ATP9B: variants seen among roughly 807,000 people sequenced by gnomAD.
The protein encoded by ATP9B is probable phospholipid-transporting ATPase IIB.
In ATP9B, 110 loss-of-function variants were observed where a neutral mutation model predicts 146.1. The ratio of observed to expected loss-of-function variants is 0.75; its 90% CI spans 0.65 to 0.88. ATP9B has a LOEUF of 0.88. Ranked by LOEUF, ATP9B falls within the 40% of genes least tolerant of loss-of-function variation. The probability of loss-of-function intolerance (pLI) is 0.00; values close to 1 mark genes in which losing one functional copy is unlikely to be tolerated. For missense variants in ATP9B, 1,499 were observed against 1,496.4 expected, an observed-to-expected ratio of 1.00 and a Z score of -0.03; for synonymous variants, 604 against 569.7, an observed-to-expected ratio of 1.06 and a Z score of -0.86.
chr18:79,307,392 A>G, intron 15 of ATP9B, 158 bp downstream of exon 15: 5 of 1,098,148 alleles, frequency 4.6e-6, no homozygotes, highest in Non-Finnish European at 6.3e-6. Flanking sequence ...AACCTATTCC[A>G]GCATGTAGCC....
intron 13 of ATP9B, among the ~76,000 whole-genome samples, chr18:79,289,850 G>A (rs1467156106): frequency 6.6e-6 from 1 of 152,222 alleles, no homozygotes; most frequent in African/African-American, 2.4e-5. Flanking sequence ...CTCAGCTGCA[G>A]GTCTGTTGGA....
At chr18:79,163,762 T>C (rs1300855541) in intron 7 of ATP9B, among the ~76,000 whole-genome samples, 1 of 152,078 alleles carries the variant, frequency 6.6e-6, no homozygotes, top group Non-Finnish European at 1.5e-5. Flanking sequence ...GTGTATAATA[T>C]AATATATGTC....
chr18:79,164,987 C>T (rs528184408), intron 7 of ATP9B, among the ~76,000 whole-genome samples: 8 of 152,262 alleles, frequency 5.3e-5, no homozygotes, highest in African/African-American at 1.9e-4. Context: ...GTGGGCTGGA[C>T]TAAGCCATGT....
chr18:79,101,955 C>CT (rs962826118), intron 2 of ATP9B, among the ~76,000 whole-genome samples: 17 of 148,574 alleles, frequency 1.1e-4, no homozygotes, highest in Admixed American at 2.0e-4. Flanking sequence ...TATTTTTTTT[C>CT]TTTTTTTTGA....
At chr18:79,339,756 G>T (rs1568748096) in intron 19 of ATP9B, among the ~76,000 whole-genome samples, 1 of 151,234 alleles carries the variant, frequency 6.6e-6, no homozygotes, top group Non-Finnish European at 1.5e-5. Flanking sequence ...TCATGAGGCT[G>T]TATCATATCC....
intron 8 of ATP9B, among the ~76,000 whole-genome samples, chr18:79,190,348 A>G (rs2148112777): frequency 6.6e-6 from 1 of 152,322 alleles, no homozygotes; most frequent in South Asian, 2.1e-4. Flanking sequence ...GGTTTTTCAA[A>G]TTATCAACAA....
Position 79,303,847 on chromosome 18 carries a change from C to T in ATP9B, c.1524+131C>T, listed in dbSNP as rs897381267. 243 of 561,350 alleles carry T rather than the reference C, an allele frequency of 4.3e-4. 3 individuals are homozygous for T. The highest frequency in any genetic ancestry group is 3.8e-3 in the Admixed American group (127 of 33,136). The allele number at this position is 561,350 out of a possible 1,614,324, so 34.8% of individuals were successfully genotyped here. A position where few individuals can be genotyped will look rare whatever the true frequency, so the allele number is the denominator to read the frequency against. ...GGTCTTAACATCCTGCTACTTCAGTCGTCTGTTCGAATATACGAATCAGGA... is the reference window on the plus strand; with the variant it reads ...GGTCTTAACATCCTGCTACTTCAGTTGTCTGTTCGAATATACGAATCAGGA... On this transcript the variant is annotated intron_variant, in intron 14 of 29. Coordinates refer to ENST00000426216, the MANE Select transcript of ATP9B (RefSeq NM_198531.5).
chr18:79,245,265 CTG>C (rs1160948091), intron 11 of ATP9B, among the ~76,000 whole-genome samples: 2 of 152,188 alleles, frequency 1.3e-5, no homozygotes. Flanking sequence ...CCCAAATAAA[CTG>C]TGTATTAGAC....
At chr18:79,328,766 G>C (rs968263382) in intron 15 of ATP9B, among the ~76,000 whole-genome samples, 2 of 152,170 alleles carry the variant, frequency 1.3e-5, no homozygotes, top group Admixed American at 6.5e-5. Flanking sequence ...ATGGAACTGG[G>C]GAGGGAGAAA....
intron 11 of ATP9B, among the ~76,000 whole-genome samples, chr18:79,233,921 T>A (rs903306611): frequency 6.6e-6 from 1 of 152,238 alleles, no homozygotes; most frequent in Non-Finnish European, 1.5e-5. Flanking sequence ...GGAAAAGTTA[T>A]ATTCACGCTT....
At chr18:79,089,988 T>C (rs1599451045) in intron 1 of ATP9B, among the ~76,000 whole-genome samples, 1 of 152,202 alleles carries the variant, frequency 6.6e-6, no homozygotes, top group Non-Finnish European at 1.5e-5. Context: ...TCCAACTCTT[T>C]TTTAAGCTCC....
At chr18:79,217,665 A>T (rs992063124) in intron 11 of ATP9B, among the ~76,000 whole-genome samples, 1 of 152,342 alleles carries the variant, frequency 6.6e-6, no homozygotes, top group East Asian at 1.9e-4. Flanking sequence ...CGGTATTGAT[A>T]CATGTTGAAT....
At chr18:79,075,155 C>T (rs1260245047) in intron 1 of ATP9B, among the ~76,000 whole-genome samples, 1 of 151,674 alleles carries the variant, frequency 6.6e-6, no homozygotes, top group East Asian at 1.9e-4. Flanking sequence ...TGGCTCACTG[C>T]AAGCTCTGCC....
At chr18:79,299,340 A>C (rs2096574555) in intron 13 of ATP9B, among the ~76,000 whole-genome samples, 1 of 152,010 alleles carries the variant, frequency 6.6e-6, no homozygotes, top group Non-Finnish European at 1.5e-5. Flanking sequence ...TGTCTCTTCC[A>C]TTCACAGGCA....
chr18:79,141,915 C>T (rs1286195204), intron 5 of ATP9B, among the ~76,000 whole-genome samples: 1 of 152,212 alleles, frequency 6.6e-6, no homozygotes, highest in Non-Finnish European at 1.5e-5. Flanking sequence ...GGTAACTTTC[C>T]TCCCCTGTGT....
intron 12 of ATP9B, among the ~76,000 whole-genome samples, chr18:79,262,594 A>G (rs921045601): frequency 1.3e-5 from 2 of 152,210 alleles, no homozygotes; most frequent in Non-Finnish European, 2.9e-5. Flanking sequence ...AAACATTTCT[A>G]TGATGAAGCA....
chr18:79,109,983 A>C (rs1401929367), intron 2 of ATP9B, among the ~76,000 whole-genome samples: 2 of 152,240 alleles, frequency 1.3e-5, no homozygotes, highest in Non-Finnish European at 2.9e-5. Flanking sequence ...ATTGAAATCC[A>C]AGGACCTTTA....
chr18:79,098,629 G>A (rs2075010785), intron 2 of ATP9B, among the ~76,000 whole-genome samples: 1 of 152,114 alleles, frequency 6.6e-6, no homozygotes, highest in Non-Finnish European at 1.5e-5. Flanking sequence ...AACACATGAA[G>A]AAATAGGTAT....
At chr18:79,238,978 G>A (rs977158940) in intron 11 of ATP9B, among the ~76,000 whole-genome samples, 2 of 152,190 alleles carry the variant, frequency 1.3e-5, no homozygotes, top group African/African-American at 2.4e-5. Context: ...CAGTAAGAAC[G>A]AGAAGACGGT....
Sources: allele counts gnomAD v4.1 joint callset (sites outside exome capture counted in the v4.1 genomes callset), GRCh38; gene constraint gnomAD v4.1.1; transcripts MANE v1.5; gene names NCBI Gene and HGNC (gene_info 2026-07-23, HGNC 2026-07-21).